Variants in HECW1 observed in about 807,000 individuals in gnomAD.
HECW1 encodes HECT, C2 and WW domain containing E3 ubiquitin protein ligase 1.
A neutral mutation model predicts 182.3 loss-of-function variants in HECW1; 61 were observed. The ratio of observed to expected loss-of-function variants is 0.33; its 90% CI spans 0.27 to 0.41. HECW1 has a LOEUF of 0.41. HECW1 is among the 10% of genes least tolerant of loss of function. The pLI is 1.00. For synonymous variants in HECW1, 859 were observed against 832.6 expected (o/e 1.03, Z -0.55); for missense variants, 1,739 against 2,108.9 (o/e 0.82, Z 3.44).
intron 22 of HECW1, 125 bp from the exon 23 acceptor site, chr7:43,507,893 G>T: frequency 1.6e-6 from 1 of 636,368 alleles, no homozygotes; most frequent in Non-Finnish European, 2.8e-6. Flanking sequence ...CCTGGGTCCT[G>T]CTCTTTCCTC....
intron 3 of HECW1, among the ~76,000 whole-genome samples, chr7:43,255,264 A>G (rs1800435910): frequency 6.6e-6 from 1 of 152,198 alleles, no homozygotes; most frequent in Admixed American, 6.5e-5. Flanking sequence ...CAGGTACTAC[A>G]TTACCTTATT....
At chr7:43,281,923 C>T (rs1803969820) in intron 3 of HECW1, among the ~76,000 whole-genome samples, 1 of 152,028 alleles carries the variant, frequency 6.6e-6, no homozygotes, top group Middle Eastern at 3.2e-3. Context: ...TCCTGCCCTG[C>T]ATCCTTTAAG....
intron 13 of HECW1, among the ~76,000 whole-genome samples, chr7:43,457,792 CAAAA>C (rs1225810529): frequency 6.7e-6 from 1 of 149,754 alleles, no homozygotes; most frequent in Admixed American, 6.6e-5. Context: ...AAAAAACAAA[CAAAA>C]AACATGGAAA....
intron 23 of HECW1, 199 bp from the exon 24 acceptor site, chr7:43,508,770 A>T: frequency 1.7e-6 from 1 of 600,152 alleles, no homozygotes; most frequent in Non-Finnish European, 3.0e-6. Context: ...TGGTTAAGAA[A>T]CATCTCCAAA....
intron 10 of HECW1, among the ~76,000 whole-genome samples, chr7:43,442,962 T>C (rs2076935243): frequency 6.6e-6 from 1 of 152,212 alleles, no homozygotes; most frequent in African/African-American, 2.4e-5. Context: ...CATACATGAA[T>C]GAATGAATGA....
At chr7:43,303,312 A>C (rs1807102777) in intron 3 of HECW1, among the ~76,000 whole-genome samples, 2 of 151,500 alleles carry the variant, frequency 1.3e-5, no homozygotes, top group South Asian at 2.1e-4. Flanking sequence ...TGTGCGAGCG[A>C]CAAGGAGCAA....
In HECW1 at chr7:43,456,380, G is replaced by A; in HGVS notation, c.2584G>A (p.Ala862Thr). 1.2e-6 allele frequency: 2 copies of A among 1,614,076 alleles called. No individual in the cohort carries two copies. The highest frequency in any genetic ancestry group is 8.5e-7 in the Non-Finnish European group (1 of 1,179,982). The change falls in exon 13 of 30, where the codon GCA becomes ACA. Residue 862 changes from alanine to threonine, a missense_variant. Physicochemically the swap from Ala to Thr is moderately conservative, Grantham distance 58 (BLOSUM62 0). This residue lies in a region of HECW1 where 971 missense variants were observed against 1,029.1 expected (regional missense o/e 0.94). Transcript: ENST00000395891. ...CACAACCACCTGGCAGCGTCCGACG[G>A]CAGCAGCCACCCCGGATGGCATGCG... is the stretch of plus-strand genomic sequence containing the variant. The part of the protein sequence containing the change: ...NRTTTWQRPT[A>T]AATPDGMRRS...
intron 9 of HECW1, 70 bp downstream of exon 9, chr7:43,438,215 A>T: frequency 2.3e-6 from 3 of 1,316,640 alleles, no homozygotes; most frequent in South Asian, 2.5e-5. Context: ...GGTGGCCTGT[A>T]GGCTGCAATA....
At chr7:43,159,509 T>C (rs1790277531) in intron 2 of HECW1, among the ~76,000 whole-genome samples, 1 of 152,134 alleles carries the variant, frequency 6.6e-6, no homozygotes, top group South Asian at 2.1e-4. Flanking sequence ...TAAAAAAAAT[T>C]TCTAAAAAGT....
At chr7:43,365,110 C>T (rs138948093) in intron 6 of HECW1, among the ~76,000 whole-genome samples, 24 of 152,368 alleles carry the variant, frequency 1.6e-4, no homozygotes, top group African/African-American at 5.8e-4. Flanking sequence ...CTCTCAGGCA[C>T]CCAGCCGGCA....
chr7:43,186,610 A>T (rs1388619926), intron 2 of HECW1, among the ~76,000 whole-genome samples: 1 of 150,206 alleles, frequency 6.7e-6, no homozygotes, highest in African/African-American at 2.4e-5. Context: ...CAGAGCTTGC[A>T]GTGAGCAGGG....
intron 3 of HECW1, among the ~76,000 whole-genome samples, chr7:43,256,454 A>G (rs1182460466): frequency 6.6e-6 from 1 of 152,118 alleles, no homozygotes; most frequent in East Asian, 1.9e-4. Context: ...TACTAAAAAT[A>G]CAAAATTAGC....
chr7:43,264,681 A>G (rs1228014866), intron 3 of HECW1, among the ~76,000 whole-genome samples: 13 of 151,992 alleles, frequency 8.6e-5, no homozygotes, highest in African/African-American at 2.7e-4. Context: ...CGTCTCTACT[A>G]AAAATACAAA....
chr7:43,304,637 A>C (rs1303405148), intron 3 of HECW1, among the ~76,000 whole-genome samples: 1 of 152,028 alleles, frequency 6.6e-6, no homozygotes, highest in Non-Finnish European at 1.5e-5. Flanking sequence ...GATTACAGAC[A>C]CGTGTCACCA....
chr7:43,140,153 G>T (rs1320937348), intron 2 of HECW1, among the ~76,000 whole-genome samples: 1 of 151,658 alleles, frequency 6.6e-6, no homozygotes, highest in Non-Finnish European at 1.5e-5. Context: ...TGAAACTTTG[G>T]AATTTTGGAT....
At chr7:43,137,983 G>A (rs1318423511) in intron 2 of HECW1, among the ~76,000 whole-genome samples, 1 of 151,204 alleles carries the variant, frequency 6.6e-6, no homozygotes. Flanking sequence ...CTGAATAAGA[G>A]ACATGCACAT....
intron 17 of HECW1, 83 bp from the exon 18 acceptor site, chr7:43,491,992 C>A: frequency 1.1e-6 from 1 of 948,098 alleles, no homozygotes; most frequent in Non-Finnish European, 1.7e-6. Context: ...AAATCTTTTA[C>A]CCCTTAGGTT....
chr7:43,117,835 C>T lies in HECW1; in HGVS notation c.-32+3444C>T, dbSNP rs576696247. On this transcript the variant is annotated intron_variant, in intron 2 of 29. Transcript: ENST00000395891. ...GCAACATATGACAAAGATCACTAAG[C>T]TCCTAGGTCATCTGGATTCCCATAG... 2.6e-4 allele frequency: 39 copies of T among 152,476 alleles called. 1 individual carries two copies. In the East Asian group the frequency reaches 7.5e-3, roughly 29 times the overall value. The allele number at this position is 152,476 out of a possible 1,614,324, so 9.4% of individuals were successfully genotyped here. A position where few individuals can be genotyped will look rare whatever the true frequency, so the allele number is the denominator to read the frequency against.
chr7:43,276,644 C>T (rs1402195362), intron 3 of HECW1, among the ~76,000 whole-genome samples: 1 of 152,032 alleles, frequency 6.6e-6, no homozygotes, highest in East Asian at 1.9e-4. Context: ...TTTATTTTTG[C>T]AAGTTTAAAT....
Sources: allele counts gnomAD v4.1 joint callset (sites outside exome capture counted in the v4.1 genomes callset), GRCh38; gene constraint gnomAD v4.1.1; regional missense constraint gnomAD v4.1.1; transcripts MANE v1.5; gene names NCBI Gene and HGNC (gene_info 2026-07-23, HGNC 2026-07-21).